The following SOD2 variants were observed in gnomAD, a reference collection of about 807,000 sequenced individuals.
SOD2 encodes superoxide dismutase 2.
A neutral mutation model predicts 27.0 loss-of-function variants in SOD2; 11 were observed. The ratio of observed to expected loss-of-function variants is 0.41; its 90% CI spans 0.26 to 0.67. SOD2 has a LOEUF of 0.67. Among genes scored for constraint, SOD2 ranks in the 30% least tolerant of loss-of-function variants. SOD2 has a pLI of 0.34. For missense variants in SOD2, 250 were observed against 274.5 expected (o/e 0.91, Z 0.63); for synonymous variants, 105 against 103.0 (o/e 1.02, Z -0.12).
At chr6:159,687,081 T>C (rs748829040) in intron 3 of SOD2, among the ~76,000 whole-genome samples, 2 of 152,206 alleles carry the variant, frequency 1.3e-5, no homozygotes, top group African/African-American at 2.4e-5. Context: ...CAAATGACAC[T>C]ATAATTTAAT....
chr6:159,689,108 C>T (rs1800666), intron 2 of SOD2, among the ~76,000 whole-genome samples: 34,020 of 152,098 alleles, frequency 0.22, 4,034 homozygotes, highest in East Asian at 0.4. Flanking sequence ...TACCAAGAGG[C>T]GCTGCACTTG....
intron 1 of SOD2, among the ~76,000 whole-genome samples, chr6:159,754,409 A>C (rs1252751473): frequency 6.6e-6 from 1 of 152,150 alleles, no homozygotes; most frequent in Non-Finnish European, 1.5e-5. Context: ...CTGGATCAGG[A>C]ATAAGGGGAT....
upstream of SOD2, among the ~76,000 whole-genome samples, chr6:159,695,103 T>C (rs1583025234): frequency 6.6e-6 from 1 of 152,018 alleles, no homozygotes; most frequent in South Asian, 2.1e-4. Context: ...GTACTGCAGG[T>C]CACTTTTAGG....
chr6:159,705,088 CAGAA>C (rs373519777), intron 1 of SOD2, among the ~76,000 whole-genome samples: 282 of 152,300 alleles, frequency 1.9e-3, no homozygotes, highest in African/African-American at 6.3e-3. Context: ...AACCAACAAA[CAGAA>C]AGGACATCCA....
intron 1 of SOD2, among the ~76,000 whole-genome samples, chr6:159,717,169 T>C (rs926606842): frequency 1.9e-4 from 29 of 152,212 alleles, no homozygotes; most frequent in African/African-American, 7.0e-4. Context: ...CCGAGAATAA[T>C]TGACTCTGAG....
In SOD2 at chr6:159,681,192, C is replaced by T. The variant is rs925885094; in HGVS notation, c.*1301G>A. On this transcript the variant is annotated 3_prime_UTR_variant, in exon 5 of 5. Coordinates refer to ENST00000538183, the MANE Select transcript of SOD2 (RefSeq NM_000636.4). ...GGTGTGCCAGGGGGATTCCCACAAG[C>T]ACAGAAATAAAGGAGAATCTTGAGT... The T allele has an allele frequency of 1.3e-5, 2 of 151,982 alleles. No individual in the cohort carries two copies. Among genetic ancestry groups the T allele is most frequent in the African/African-American group, 4.8e-5 (2 of 41,400 alleles). The allele number at this position is 151,982 out of a possible 1,614,324, so 9.4% of individuals were successfully genotyped here.
chr6:159,747,741 T>C (rs1370198659), upstream of SOD2, among the ~76,000 whole-genome samples: 1 of 152,216 alleles, frequency 6.6e-6, no homozygotes, highest in African/African-American at 2.4e-5. Context: ...TTTTTTCCAC[T>C]GGGTTGTCAG....
At chr6:159,691,782 T>C (rs1777210021) in intron 2 of SOD2, 1 of 150,738 alleles carries the variant, frequency 6.6e-6, no homozygotes, top group African/African-American at 2.4e-5. Context: ...TATGAGTAAA[T>C]AGTAAATAAA....
intron 1 of SOD2, among the ~76,000 whole-genome samples, chr6:159,720,021 G>A (rs1778001539): frequency 6.8e-6 from 1 of 147,902 alleles, no homozygotes; most frequent in Non-Finnish European, 1.5e-5. Context: ...ACCATGCCCA[G>A]CCTTGCTTTT....
At chr6:159,743,256 A>G (rs1199063317) in intron 1 of SOD2, among the ~76,000 whole-genome samples, 1 of 152,198 alleles carries the variant, frequency 6.6e-6, no homozygotes, top group African/African-American at 2.4e-5. Context: ...CGTGTTGGTT[A>G]GGCTGGTCTG....
chr6:159,719,454 G>GGCTGCT (rs1177833552), intron 1 of SOD2, among the ~76,000 whole-genome samples: 2 of 152,028 alleles, frequency 1.3e-5, no homozygotes, highest in Admixed American at 1.3e-4. Context: ...CTTGAACCAA[G>GGCTGCT]GAGGCGGAGG....
chr6:159,721,104 G>A (rs1478277126), intron 1 of SOD2, among the ~76,000 whole-genome samples: 2 of 149,220 alleles, frequency 1.3e-5, no homozygotes, highest in Non-Finnish European at 3.0e-5. Context: ...GTCTCGCTCT[G>A]TCACCCAGGC....
intron 1 of SOD2, among the ~76,000 whole-genome samples, chr6:159,720,191 C>T (rs556316304): frequency 1.8e-4 from 28 of 151,800 alleles, no homozygotes; most frequent in South Asian, 4.2e-4. Context: ...CCACCACGCC[C>T]GGCTAATTTT....
Position 159,673,295 on chromosome 6 carries a change from C to T in SOD2, c.*9198G>A, listed in dbSNP as rs1392839548. 6.6e-6 allele frequency: 1 copy of T among 152,184 alleles called. No individual in the cohort carries two copies. The highest frequency in any genetic ancestry group is 1.5e-5 in the Non-Finnish European group (1 of 68,026). 9.4% of individuals were successfully genotyped at this position (152,184 alleles called of 1,614,324 possible). A position where few individuals can be genotyped will look rare whatever the true frequency, so the allele number is the denominator to read the frequency against. On this transcript the variant is annotated 3_prime_UTR_variant, in exon 5 of 5. Coordinates refer to ENST00000538183, the MANE Select transcript of SOD2 (RefSeq NM_000636.4). Reference sequence around the variant, plus strand: ...CTCCACCCCAAATCAACAGAATATACATTCTTCTCAGCACCACATCGCACC... The same window carrying T: ...CTCCACCCCAAATCAACAGAATATATATTCTTCTCAGCACCACATCGCACC...
intron 1 of SOD2, among the ~76,000 whole-genome samples, chr6:159,717,914 TG>T (rs1777951802): frequency 1.3e-5 from 2 of 151,962 alleles, no homozygotes; most frequent in South Asian, 2.1e-4. Flanking sequence ...TGTGTGTGTG[TG>T]TGTGTGTGTG....
chr6:159,710,310 C>T (rs960090438), intron 1 of SOD2, among the ~76,000 whole-genome samples: 1 of 146,980 alleles, frequency 6.8e-6, no homozygotes, highest in South Asian at 2.1e-4. Flanking sequence ...ATTAGCTGGG[C>T]GTGGTGGCAC....
At chr6:159,750,458 C>G (rs1469700671) in intron 1 of SOD2, among the ~76,000 whole-genome samples, 3 of 152,168 alleles carry the variant, frequency 2.0e-5, no homozygotes, top group Non-Finnish European at 4.4e-5. Flanking sequence ...GTGAGTGTCA[C>G]TCCCGGATGT....
intron 1 of SOD2, chr6:159,755,760 C>CTTTTTTTTTT (rs1779984995): frequency 3.8e-5 from 11 of 286,806 alleles, no homozygotes; most frequent in African/African-American, 2.5e-4. Context: ...TTTTTTTTTT[C>CTTTTTTTTTT]TTTTCTTTTT....
At chr6:159,711,588 G>GATCACCATAACCGCCTCCACAACC (rs1554261330) in intron 1 of SOD2, among the ~76,000 whole-genome samples, 1 of 31,064 alleles carries the variant, frequency 3.2e-5, no homozygotes, top group South Asian at 1.2e-3. Context: ...ACACTGCTCT[G>GATCACCATAACCGCCTCCACAACC]ACCACCATAA....
Sources: gnomAD v4.1 joint callset for allele counts (sites outside exome capture counted in the v4.1 genomes callset) on GRCh38, gnomAD v4.1.1 for gene constraint, MANE v1.5 for transcripts, NCBI Gene and HGNC (gene_info 2026-07-23, HGNC 2026-07-21) for gene names.